PCNX1: variants seen among roughly 807,000 people sequenced by gnomAD.
The protein encoded by PCNX1 is pecanex-like protein 1.
In PCNX1, 78 loss-of-function variants were observed where a neutral mutation model predicts 242.2. That is an observed-to-expected ratio of 0.32 (90% CI 0.27 to 0.39). PCNX1 has a LOEUF of 0.39. Among genes scored for constraint, PCNX1 ranks in the 10% least tolerant of loss-of-function variants. The pLI is 1.00. For missense variants in PCNX1, 2,581 were observed against 2,856.5 expected (o/e 0.90, Z 2.20); for synonymous variants, 1,024 against 1,032.9 (o/e 0.99, Z 0.17).
intron 20 of PCNX1, 81 bp from the exon 21 acceptor site, chr14:71,046,880 TTTG>T: frequency 2.9e-6 from 3 of 1,052,586 alleles, no homozygotes; most frequent in Admixed American, 2.5e-5. Flanking sequence ...TGGTACTAAA[TTTG>T]TTGTAAAATT....
intron 30 of PCNX1, among the ~76,000 whole-genome samples, chr14:71,097,057 G>A (rs1470216817): frequency 6.6e-6 from 1 of 152,182 alleles, no homozygotes; most frequent in Non-Finnish European, 1.5e-5. Flanking sequence ...GCAATTCCTA[G>A]AAGAGAGGAG....
At chr14:71,078,322 A>G (rs1445790839) in intron 28 of PCNX1, among the ~76,000 whole-genome samples, 1 of 152,184 alleles carries the variant, frequency 6.6e-6, no homozygotes, top group East Asian at 1.9e-4. Flanking sequence ...TAATCAGGCC[A>G]GACTTGCTGA....
At chr14:71,094,795 G>A (rs558312494) in intron 30 of PCNX1, among the ~76,000 whole-genome samples, 1 of 152,176 alleles carries the variant, frequency 6.6e-6, no homozygotes, top group African/African-American at 2.4e-5. Context: ...AGCCAGGCAA[G>A]GTATCGCATG....
At chr14:71,044,568 A>C (rs1444839914) in intron 19 of PCNX1, 1 of 152,440 alleles carries the variant, frequency 6.6e-6, no homozygotes, top group Non-Finnish European at 1.5e-5. Flanking sequence ...CCTGCGAAGC[A>C]TGAGGGGTAG....
At chr14:71,094,731 C>T (rs1169974469) in intron 30 of PCNX1, among the ~76,000 whole-genome samples, 3 of 152,146 alleles carry the variant, frequency 2.0e-5, no homozygotes, top group Non-Finnish European at 4.4e-5. Flanking sequence ...AGTTTGAGAC[C>T]TGCCTGGTCA....
At chr14:71,034,946 C>T (rs187851599) in intron 18 of PCNX1, among the ~76,000 whole-genome samples, 119 of 152,260 alleles carry the variant, frequency 7.8e-4, no homozygotes, top group Admixed American at 2.0e-3. Flanking sequence ...TTTCTATGAC[C>T]ACTGATGGAA....
chr14:70,960,842 A>G (rs1018736188), intron 2 of PCNX1, among the ~76,000 whole-genome samples: 16 of 152,184 alleles, frequency 1.1e-4, no homozygotes, highest in East Asian at 7.7e-4. Flanking sequence ...TCAATGTACA[A>G]AAATCACAAG....
intron 1 of PCNX1, among the ~76,000 whole-genome samples, chr14:70,941,906 C>T (rs1174262995): frequency 1.3e-5 from 2 of 152,236 alleles, no homozygotes; most frequent in African/African-American, 4.8e-5. Flanking sequence ...GAGCGAGGCT[C>T]TGTGGGCGTG....
chr14:71,100,928 A>G (rs1229787182), intron 30 of PCNX1, among the ~76,000 whole-genome samples: 1 of 152,228 alleles, frequency 6.6e-6, no homozygotes, highest in Non-Finnish European at 1.5e-5. Context: ...GTTTTTAAAC[A>G]TGGAAAATGC....
intron 3 of PCNX1, among the ~76,000 whole-genome samples, chr14:70,965,992 TAATG>T (rs1245328541): frequency 1.3e-5 from 2 of 152,238 alleles, no homozygotes; most frequent in Non-Finnish European, 2.9e-5. Context: ...TTAGGAAATT[TAATG>T]AGTGAGGGCA....
chr14:71,047,119 T>A lies in PCNX1; in HGVS notation c.4160+14T>A. 1 of 1,479,308 alleles carries A rather than the reference T, an allele frequency of 6.8e-7. No individual in the cohort carries two copies. Among genetic ancestry groups the A allele is most frequent in the Non-Finnish European group, 9.2e-7 (1 of 1,090,398 alleles). 91.6% of individuals were successfully genotyped at this position (1,479,308 alleles called of 1,614,324 possible). A position where few individuals can be genotyped will look rare whatever the true frequency, so the allele number is the denominator to read the frequency against. The stretch of plus-strand genomic sequence containing the variant: ...ACTGAATACAGAGTAAGTATAGTAG[T>A]CTTCTAATATTGTCTGACTACTGGG... On this transcript the variant is annotated intron_variant, in intron 21 of 35. Transcript: ENST00000304743.
chr14:70,957,367 T>C (rs1466599536), intron 2 of PCNX1, among the ~76,000 whole-genome samples: 1 of 152,188 alleles, frequency 6.6e-6, no homozygotes, highest in East Asian at 1.9e-4. Flanking sequence ...TGTATAAAAC[T>C]AGGCAAGATT....
At chr14:70,941,513 C>T (rs759493907) in intron 1 of PCNX1, among the ~76,000 whole-genome samples, 21 of 152,298 alleles carry the variant, frequency 1.4e-4, no homozygotes, top group Admixed American at 3.9e-4. Flanking sequence ...GAGGGGCACC[C>T]GGCTGTATGA....
intron 2 of PCNX1, among the ~76,000 whole-genome samples, chr14:70,949,355 A>G (rs1287426840): frequency 6.8e-6 from 1 of 146,502 alleles, no homozygotes; most frequent in South Asian, 2.1e-4. Flanking sequence ...ACGCACGTGC[A>G]TATATACATA....
At chr14:71,023,445 A>G (rs1014694580) in intron 13 of PCNX1, among the ~76,000 whole-genome samples, 2 of 152,020 alleles carry the variant, frequency 1.3e-5, no homozygotes, top group Non-Finnish European at 2.9e-5. Context: ...GTGGACTCTA[A>G]ATCTTGGTTG....
chr14:71,057,240 A>G lies in PCNX1; in HGVS notation c.4637-269A>G, dbSNP rs10135131. Among the ~76,000 whole-genome samples the G allele has an allele frequency of 8.3e-3, 1,265 of 152,290 alleles. 10 individuals carry two copies. The highest frequency in any genetic ancestry group is 0.029 in the African/African-American group (1,191 of 41,542). ...AATTACGAACTGTTGAAGAGGTCAA[A>G]AAGTCCTTAGATTGCTTCAAATCAA... On this transcript the variant is annotated intron_variant, in intron 25 of 35. Coordinates refer to ENST00000304743, the MANE Select transcript of PCNX1 (RefSeq NM_014982.3).
At chr14:70,953,800 C>G (rs2057887228) in intron 2 of PCNX1, among the ~76,000 whole-genome samples, 1 of 151,624 alleles carries the variant, frequency 6.6e-6, no homozygotes, top group African/African-American at 2.4e-5. Context: ...TCCTCAGTAG[C>G]TGGGATTACA....
chr14:71,059,387 A>AT (rs879544759), intron 26 of PCNX1, among the ~76,000 whole-genome samples: 2,237 of 147,132 alleles, frequency 0.015, 55 homozygotes, highest in African/African-American at 0.05. Context: ...AGACATTAGC[A>AT]TTTTTTTTTT....
At chr14:71,024,018 T>G (rs2060173709) in intron 13 of PCNX1, among the ~76,000 whole-genome samples, 1 of 152,176 alleles carries the variant, frequency 6.6e-6, no homozygotes, top group Non-Finnish European at 1.5e-5. Flanking sequence ...TTTTCAACTT[T>G]TTATTTTGAC....
Sources: gnomAD v4.1 joint callset for allele counts (sites outside exome capture counted in the v4.1 genomes callset) on GRCh38, gnomAD v4.1.1 for gene constraint, MANE v1.5 for transcripts, NCBI Gene and HGNC (gene_info 2026-07-23, HGNC 2026-07-21) for gene names.